The following BACH2 variants were observed in gnomAD, a reference collection of about 807,000 sequenced individuals.
BACH2 encodes BACH transcriptional regulator 2, also known as transcription regulator protein BACH2.
A neutral mutation model predicts 61.8 loss-of-function variants in BACH2; 5 were observed. The ratio of observed to expected loss-of-function variants is 0.08; its 90% CI spans 0.04 to 0.17. The LOEUF (loss-of-function observed/expected upper bound fraction) is 0.17. Ranked by LOEUF, BACH2 falls within the 10% of genes least tolerant of loss-of-function variation. BACH2 has a pLI of 1.00. For synonymous variants in BACH2, 446 were observed against 440.1 expected, an observed-to-expected ratio of 1.01 and a Z score of -0.17; for missense variants, 824 against 1,091.1, an observed-to-expected ratio of 0.76 and a Z score of 3.45.
intron 3 of BACH2, among the ~76,000 whole-genome samples, chr6:90,230,829 A>G (rs1160631061): frequency 6.6e-6 from 1 of 152,186 alleles, no homozygotes; most frequent in Non-Finnish European, 1.5e-5. Flanking sequence ...GTTTTGCTCA[A>G]GATCACAGTG....
rs1034566481 is a variant in BACH2, at chr6:90,242,885, CT to C, written c.-275+9627del. 4.6e-3 allele frequency among the ~76,000 whole-genome samples: 667 copies of C among 144,982 alleles called. 4 individuals carry two copies. The highest frequency in any genetic ancestry group is 0.014 in the African/African-American group (562 of 39,888). On this transcript the variant is annotated intron_variant, in intron 3 of 8. Transcript: ENST00000257749. ...TGACTTTGGGCAAATTATCTGATTT[CT>C]TTTTTTTTTTGAGGCGGAGTTTAGC...
chr6:90,142,280 T>C (rs1160795185), intron 4 of BACH2, among the ~76,000 whole-genome samples: 1 of 152,180 alleles, frequency 6.6e-6, no homozygotes, highest in Non-Finnish European at 1.5e-5. Context: ...GGTGTTATCA[T>C]TTGGGCTGTA....
intron 2 of BACH2, among the ~76,000 whole-genome samples, chr6:90,269,035 T>C (rs1161427217): frequency 6.6e-6 from 1 of 152,158 alleles, no homozygotes; most frequent in African/African-American, 2.4e-5. Context: ...CAAAACCAGC[T>C]ACCCAGAGTT....
At chr6:90,090,799 A>T (rs905098948) in intron 4 of BACH2, among the ~76,000 whole-genome samples, 7 of 152,012 alleles carry the variant, frequency 4.6e-5, no homozygotes, top group African/African-American at 1.7e-4. Context: ...TGGGTTGATA[A>T]TTCATCTTCT....
chr6:90,160,856 C>G (rs1242460997), intron 4 of BACH2, among the ~76,000 whole-genome samples: 1 of 152,006 alleles, frequency 6.6e-6, no homozygotes, highest in Non-Finnish European at 1.5e-5. Context: ...TTTGGGAGGC[C>G]GAGGCCGGTG....
chr6:90,085,291 T>A (rs936865824), intron 5 of BACH2, among the ~76,000 whole-genome samples: 1 of 152,202 alleles, frequency 6.6e-6, no homozygotes, highest in Non-Finnish European at 1.5e-5. Context: ...CATTTTCTAC[T>A]GCGCTGGAAT....
intron 3 of BACH2, among the ~76,000 whole-genome samples, chr6:90,219,785 T>TACAC (rs5878121): frequency 1.9e-4 from 28 of 148,614 alleles, no homozygotes; most frequent in African/African-American, 3.2e-4. Context: ...TTAAAACACA[T>TACAC]ACACACACAC....
At chr6:90,132,320 C>T (rs879701756) in intron 4 of BACH2, among the ~76,000 whole-genome samples, 5 of 152,126 alleles carry the variant, frequency 3.3e-5, no homozygotes, top group Admixed American at 3.3e-4. Context: ...GGTCATACCC[C>T]CTAAACAGCT....
intron 3 of BACH2, among the ~76,000 whole-genome samples, chr6:90,246,396 C>T (rs1383101102): frequency 2.6e-5 from 4 of 152,152 alleles, no homozygotes; most frequent in Non-Finnish European, 5.9e-5. Flanking sequence ...TCCAACTAAT[C>T]AGAAAACCTC....
intron 1 of BACH2, among the ~76,000 whole-genome samples, chr6:90,286,901 A>G (rs1772035307): frequency 6.6e-6 from 1 of 152,232 alleles, no homozygotes; most frequent in African/African-American, 2.4e-5. Flanking sequence ...GAGGGAAACA[A>G]ATTAAGTCTG....
At chr6:90,284,265 T>C (rs138795709) in intron 1 of BACH2, among the ~76,000 whole-genome samples, 3 of 152,280 alleles carry the variant, frequency 2.0e-5, no homozygotes, top group Non-Finnish European at 4.4e-5. Context: ...GGAAATGGGC[T>C]GCAAAAAGAT....
chr6:90,138,346 T>C (rs931683780), intron 4 of BACH2, among the ~76,000 whole-genome samples: 3 of 152,052 alleles, frequency 2.0e-5, no homozygotes, highest in Non-Finnish European at 4.4e-5. Flanking sequence ...CTACTAAAAA[T>C]ACAAAAATTA....
chr6:90,126,594 A>T (rs1233676780), intron 4 of BACH2, among the ~76,000 whole-genome samples: 3 of 152,372 alleles, frequency 2.0e-5, no homozygotes, highest in Admixed American at 6.5e-5. Context: ...CTGTGTAAAT[A>T]AAGTTCAATT....
intron 3 of BACH2, among the ~76,000 whole-genome samples, chr6:90,250,157 GA>G (rs937602754): frequency 1.3e-5 from 2 of 152,146 alleles, no homozygotes; most frequent in African/African-American, 4.8e-5. Context: ...ATGCCTTAAG[GA>G]AAAAGTAAGT....
intron 4 of BACH2, among the ~76,000 whole-genome samples, chr6:90,126,183 C>T (rs1359376151): frequency 2.6e-5 from 4 of 152,240 alleles, no homozygotes; most frequent in African/African-American, 9.6e-5. Context: ...AGAAGCATGA[C>T]TTTATAGAAC....
At chr6:90,236,898 C>A (rs1276131695) in intron 3 of BACH2, among the ~76,000 whole-genome samples, 1 of 152,080 alleles carries the variant, frequency 6.6e-6, no homozygotes, top group Non-Finnish European at 1.5e-5. Flanking sequence ...ATTGTACAAA[C>A]CCATTCTCCA....
intron 4 of BACH2, among the ~76,000 whole-genome samples, chr6:90,206,147 A>G (rs1769136974): frequency 6.6e-6 from 1 of 152,194 alleles, no homozygotes; most frequent in Non-Finnish European, 1.5e-5. Flanking sequence ...CAATAATCCT[A>G]TCAGGTAGGT....
intron 3 of BACH2, among the ~76,000 whole-genome samples, chr6:90,226,296 T>C (rs1769912892): frequency 6.6e-6 from 1 of 152,196 alleles, no homozygotes; most frequent in Admixed American, 6.5e-5. Flanking sequence ...GGCTGTTTGG[T>C]TGAGTGGAAG....
chr6:90,027,568 C>T lies in BACH2; in HGVS notation c.-12-18712G>A, dbSNP rs181858151. ...TCTCCAAACGGTAAGGAATGGGTGC[C>T]ACAAGGGCTCATTGGCCAGGTGGTA... On this transcript the variant is annotated intron_variant, in intron 5 of 8. Coordinates refer to ENST00000257749, the MANE Select transcript of BACH2 (RefSeq NM_021813.4). Among the ~76,000 whole-genome samples, 211 of 152,234 alleles carry T rather than the reference C, an allele frequency of 1.4e-3. 1 individual carries two copies. Among genetic ancestry groups the T allele is most frequent in the African/African-American group, 4.8e-3 (199 of 41,544 alleles).
Sources: gnomAD v4.1 joint callset for allele counts (sites outside exome capture counted in the v4.1 genomes callset) on GRCh38, gnomAD v4.1.1 for gene constraint, MANE v1.5 for transcripts, NCBI Gene and HGNC (gene_info 2026-07-23, HGNC 2026-07-21) for gene names.